The following SLC17A4 variants were observed in gnomAD, a reference collection of about 807,000 sequenced individuals.
SLC17A4 encodes the protein probable small intestine urate exporter.
SLC17A4 carries 33 observed loss-of-function variants against 52.5 expected under a neutral mutation model. The ratio of observed to expected loss-of-function variants is 0.63; its 90% CI spans 0.48 to 0.84. The LOEUF (loss-of-function observed/expected upper bound fraction) is 0.84. Ranked by LOEUF, SLC17A4 falls within the 40% of genes least tolerant of loss-of-function variation. SLC17A4 has a pLI of 0.00. For synonymous variants in SLC17A4, 225 were observed against 216.2 expected (o/e 1.04, Z -0.36); for missense variants, 585 against 597.1 (o/e 0.98, Z 0.21).
In SLC17A4 at chr6:25,780,178, G is replaced by A. The variant is rs1763229886; in HGVS notation, c.*990G>A. The A allele has an allele frequency of 6.6e-6, 1 of 152,182 alleles. No individual in the cohort carries two copies. Among genetic ancestry groups the A allele is most frequent in the East Asian group, 1.9e-4 (1 of 5,196 alleles). 9.4% of individuals were successfully genotyped at this position (152,182 alleles called of 1,614,324 possible). A position where few individuals can be genotyped will look rare whatever the true frequency, so the allele number is the denominator to read the frequency against. On this transcript the variant is annotated 3_prime_UTR_variant, in exon 12 of 12. Transcript: ENST00000377905. ...GGGCAGCATGGAGGATCATAAGATA[G>A]CAAAACCATTTCAACACTAAATGAA...
chr6:25,775,844 G>T (rs1012625683), intron 8 of SLC17A4, among the ~76,000 whole-genome samples: 1 of 152,054 alleles, frequency 6.6e-6, no homozygotes, highest in African/African-American at 2.4e-5. Context: ...GTAATATGCC[G>T]CTATGCTTAT....
At position 25,772,288 on chromosome 6, in the gene SLC17A4, C is replaced by T. The variant is rs558341673; in HGVS notation, c.707-987C>T. On this transcript the variant is annotated intron_variant, in intron 6 of 11. Coordinates refer to ENST00000377905, the MANE Select transcript of SLC17A4 (RefSeq NM_005495.3). The stretch of plus-strand genomic sequence containing the variant: ...TAAATATTTGTTGAATAAATATTAA[C>T]ATCCTCCAACCCCAATGTGCAACAT... 4.6e-5 allele frequency among the ~76,000 whole-genome samples: 7 copies of T among 152,286 alleles called. No individual in the cohort carries two copies. In the East Asian group the frequency reaches 1.2e-3, roughly 25 times the overall value.
Position 25,768,357 on chromosome 6 carries a change from C to T in SLC17A4, c.92-628C>T, listed in dbSNP as rs183923045. On this transcript the variant is annotated intron_variant, in intron 2 of 11. Transcript: ENST00000377905. The stretch of plus-strand genomic sequence containing the variant: ...ACAGGGATAGTGGATGAATTCTTCC[C>T]GCTGTTGTCAAACTAATGTATATGG... 4.6e-4 allele frequency: 455 copies of T among 985,408 alleles called. No individual in the cohort carries two copies. In the African/African-American group the frequency reaches 7.2e-3, roughly 16 times the overall value. 61.0% of individuals were successfully genotyped at this position (985,408 alleles called of 1,614,324 possible).
intron 3 of SLC17A4, 35 bp from the exon 4 acceptor site, chr6:25,770,032 A>G: frequency 6.3e-7 from 1 of 1,592,960 alleles, no homozygotes; most frequent in Non-Finnish European, 8.6e-7. Flanking sequence ...CAATCCTTCA[A>G]CTAAAGACAA....
intron 8 of SLC17A4, among the ~76,000 whole-genome samples, chr6:25,776,141 A>C (rs1370726810): frequency 2.4e-5 from 3 of 125,804 alleles, no homozygotes; most frequent in African/African-American, 7.4e-5. Flanking sequence ...GTTAGCACAG[A>C]GCATGCCAAA....
chr6:25,762,606 C>T (rs1043289491), intron 2 of SLC17A4, among the ~76,000 whole-genome samples: 3 of 152,142 alleles, frequency 2.0e-5, no homozygotes, highest in African/African-American at 4.8e-5. Context: ...AGGATATAGT[C>T]ATTTCATAAG....
intron 1 of SLC17A4, among the ~76,000 whole-genome samples, chr6:25,759,873 G>A (rs1186397669): frequency 6.6e-6 from 1 of 152,152 alleles, no homozygotes; most frequent in Non-Finnish European, 1.5e-5. Flanking sequence ...TAGCTGTATA[G>A]TATTTCAGAA....
intron 1 of SLC17A4, among the ~76,000 whole-genome samples, chr6:25,755,092 A>C: frequency 7.0e-6 from 1 of 142,818 alleles, no homozygotes; most frequent in African/African-American, 2.5e-5. Context: ...CAGAGGAAGA[A>C]AGAGAGAGAG....
intron 8 of SLC17A4, among the ~76,000 whole-genome samples, chr6:25,774,600 G>T (rs1259913243): frequency 6.6e-6 from 1 of 152,190 alleles, no homozygotes; most frequent in Non-Finnish European, 1.5e-5. Context: ...TAATCCAGGG[G>T]ATTGGGACAC....
rs201228965 is a variant in SLC17A4 at position 25,768,972 on chromosome 6, C to G, written c.92-13C>G. 174 of 1,613,436 alleles carry G rather than the reference C, an allele frequency of 1.1e-4. 1 individual carries two copies. The highest frequency in any genetic ancestry group is 1.0e-3 in the Middle Eastern group (6 of 6,014). ...CATTCTGATTGTGATTTTTCATGCC[C>G]TTTTCCTCTCAGGTTTTTGTTCAGT... On this transcript the variant is annotated splice_polypyrimidine_tract_variant and intron_variant, in intron 2 of 11. Transcript: ENST00000377905.
chr6:25,755,535 T>C (rs752990530), intron 1 of SLC17A4, among the ~76,000 whole-genome samples: 2 of 148,474 alleles, frequency 1.3e-5, no homozygotes, highest in Non-Finnish European at 3.0e-5. Flanking sequence ...AGGGTGCATA[T>C]GAATCCAAAA....
At chr6:25,767,898 T>G (rs761080977) in intron 2 of SLC17A4, among the ~76,000 whole-genome samples, 15 of 152,310 alleles carry the variant, frequency 9.8e-5, no homozygotes, top group Non-Finnish European at 1.8e-4. Flanking sequence ...AGCTGATGAA[T>G]ATGATAGGAA....
chr6:25,769,088 G>A lies in SLC17A4; in HGVS notation c.195G>A (p.Val65=), dbSNP rs767158102. 5.0e-5 allele frequency: 81 copies of A among 1,613,936 alleles called. No individual in the cohort carries two copies. Among genetic ancestry groups the A allele is most frequent in the Middle Eastern group, 1.6e-4 (1 of 6,084 alleles). Residue 65 remains valine (V), a synonymous_variant, in exon 3 of 12, where the codon GTG becomes GTA. Coordinates refer to ENST00000377905, the MANE Select transcript of SLC17A4 (RefSeq NM_005495.3). ...TGAGCATTGCCATCCCAGCTATGGT[G>A]AACAACACAGCCCCACCTAGCCAGC... ...MNLSIAIPAM[V]NNTAPPSQPN...
At chr6:25,777,225 G>C (rs1561814821) in intron 10 of SLC17A4, 2 of 412,500 alleles carry the variant, frequency 4.8e-6, no homozygotes, top group Non-Finnish European at 8.7e-6. Flanking sequence ...ACCTCTCTCT[G>C]TTGAGGAATG....
chr6:25,775,274 G>T (rs1762809141), intron 8 of SLC17A4, among the ~76,000 whole-genome samples: 1 of 151,368 alleles, frequency 6.6e-6, no homozygotes, highest in South Asian at 2.1e-4. Flanking sequence ...GGAGGTTTCA[G>T]TGAGCCGAGA....
intron 2 of SLC17A4, among the ~76,000 whole-genome samples, chr6:25,766,092 T>G (rs1761986898): frequency 6.6e-6 from 1 of 150,930 alleles, no homozygotes; most frequent in African/African-American, 2.4e-5. Flanking sequence ...TTTAATTACA[T>G]AATCATAATT....
chr6:25,776,933 T>C lies in SLC17A4; in HGVS notation c.1242T>C (p.Leu414=). 1 of 1,613,436 alleles carries C rather than the reference T, an allele frequency of 6.2e-7. No homozygotes were observed. The highest frequency in any genetic ancestry group is 1.1e-5 in the South Asian group (1 of 91,012). ...GCAGCTTCTGTGAATCAGGAGCCCT[T>C]GTTAACTTCTTGGATATTGCTCCTC... ...AISSFCESGA[L]VNFLDIAPRY... is the part of the protein sequence containing the mutation. The change falls in exon 10 of 12, where the codon CTT becomes CTC. Residue 414 remains leucine, a synonymous_variant. Transcript: ENST00000377905.
chr6:25,770,418 T>C lies in SLC17A4; in HGVS notation c.566T>C (p.Val189Ala), dbSNP rs1561806580. The part of the protein sequence containing the change: ...MVLTGQYSIW[V>A]KWAPPLERSQ... ...TTAACTGGTCAGTATTCAATTTGGG[T>C]CAAATGGGCTCCCCCACTGGAAAGG... The change falls in exon 5 of 12, where the codon GTC (valine) becomes GCC (alanine). Residue 189 changes from valine to alanine, a missense_variant. Physicochemically the swap from Val to Ala is moderately conservative, Grantham distance 64 (BLOSUM62 0). Coordinates refer to ENST00000377905, the MANE Select transcript of SLC17A4 (RefSeq NM_005495.3). 8.1e-6 allele frequency: 13 copies of C among 1,613,928 alleles called. No individual in the cohort carries two copies. Among genetic ancestry groups the C allele is most frequent in the Non-Finnish European group, 9.3e-6 (11 of 1,179,970 alleles).
At chr6:25,774,198 T>C (rs1762713629) in intron 8 of SLC17A4, among the ~76,000 whole-genome samples, 1 of 152,202 alleles carries the variant, frequency 6.6e-6, no homozygotes, top group Admixed American at 6.5e-5. Flanking sequence ...TTTATTCAAG[T>C]ATAACATAGA....
Sources: allele counts gnomAD v4.1 joint callset (sites outside exome capture counted in the v4.1 genomes callset), GRCh38; gene constraint gnomAD v4.1.1; transcripts MANE v1.5; gene names NCBI Gene and HGNC (gene_info 2026-07-23, HGNC 2026-07-21).